GNA14: variants seen among roughly 807,000 people sequenced by gnomAD.
The protein encoded by GNA14 is guanine nucleotide-binding protein subunit alpha-14.
In GNA14, 50 loss-of-function variants were observed where a neutral mutation model predicts 42.0. That is an observed-to-expected ratio of 1.19 (90% CI 0.95 to 1.51). GNA14 has a LOEUF of 1.51. Among genes scored for constraint, GNA14 ranks in the 40% most tolerant of loss-of-function variants. The probability of loss-of-function intolerance (pLI) is 0.00; values close to 1 mark genes in which losing one functional copy is unlikely to be tolerated. For missense variants in GNA14, 473 were observed against 446.2 expected (o/e 1.06, Z -0.54); for synonymous variants, 173 against 163.1 (o/e 1.06, Z -0.46).
intron 1 of GNA14, among the ~76,000 whole-genome samples, chr9:77,582,608 T>C (rs956439086): frequency 6.6e-6 from 1 of 152,204 alleles, no homozygotes; most frequent in Non-Finnish European, 1.5e-5. Flanking sequence ...CAGATAAATA[T>C]TTCTGAACTT....
At chr9:77,432,859 G>A (rs1177380357) in intron 3 of GNA14, among the ~76,000 whole-genome samples, 2 of 152,140 alleles carry the variant, frequency 1.3e-5, no homozygotes, top group African/African-American at 4.8e-5. Context: ...GCCACCTCAG[G>A]TATGGCTCAG....
intron 1 of GNA14, among the ~76,000 whole-genome samples, chr9:77,645,941 T>C (rs964265053): frequency 6.6e-6 from 1 of 152,126 alleles, no homozygotes; most frequent in Admixed American, 6.5e-5. Flanking sequence ...AGGGCAAAAG[T>C]ACAAAGCCCC....
intron 1 of GNA14, among the ~76,000 whole-genome samples, chr9:77,559,593 G>T (rs1257267542): frequency 1.3e-5 from 2 of 152,124 alleles, no homozygotes; most frequent in African/African-American, 4.8e-5. Flanking sequence ...GCAAATATGT[G>T]CAAGCTGGCA....
intron 2 of GNA14, among the ~76,000 whole-genome samples, chr9:77,448,406 A>C (rs566028931): frequency 1.3e-4 from 20 of 152,310 alleles, no homozygotes; most frequent in African/African-American, 4.8e-4. Flanking sequence ...TGAGATATTC[A>C]ATTCTTTATT....
intron 1 of GNA14, among the ~76,000 whole-genome samples, chr9:77,531,723 T>A (rs538718365): frequency 6.6e-6 from 1 of 152,314 alleles, no homozygotes; most frequent in South Asian, 2.1e-4. Context: ...ACTAAGAGAA[T>A]CTTTTTGCTA....
At chr9:77,611,767 C>T (rs3905108) in intron 1 of GNA14, among the ~76,000 whole-genome samples, 20,330 of 152,084 alleles carry the variant, frequency 0.13, 2,425 homozygotes, top group African/African-American at 0.33. Flanking sequence ...GAGTAACTTC[C>T]CATTCTCGCA....
chr9:77,434,587 GGT>G, intron 2 of GNA14, 65 bp from the exon 3 acceptor site: 1 of 1,403,888 alleles, frequency 7.1e-7, no homozygotes, highest in Non-Finnish European at 9.9e-7. Context: ...TGGCAATGTC[GGT>G]ACAAGTCTTG....
In GNA14 at chr9:77,627,482, C is replaced by T. The variant is rs142000476; in HGVS notation, c.124+20188G>A. Among the ~76,000 whole-genome samples the T allele has an allele frequency of 3.2e-3, 488 of 152,198 alleles. 12 individuals carry two copies. The East Asian group carries it at 0.057, about 18-fold the overall frequency. On this transcript the variant is annotated intron_variant, in intron 1 of 6. Transcript: ENST00000341700. The stretch of plus-strand genomic sequence containing the variant: ...TTCAGGCACCTGATGAACATCAATG[C>T]GAAAATCCTCAATAAAATACTGGCA...
intron 2 of GNA14, among the ~76,000 whole-genome samples, chr9:77,464,377 G>GTGTGTGTGTGTA (rs1836181627): frequency 6.6e-6 from 1 of 150,414 alleles, no homozygotes; most frequent in African/African-American, 2.5e-5. Context: ...GTGTGTGTGT[G>GTGTGTGTGTGTA]TGTGTGTGTG....
At chr9:77,560,115 G>A (rs1822853547) in intron 1 of GNA14, among the ~76,000 whole-genome samples, 2 of 151,954 alleles carry the variant, frequency 1.3e-5, no homozygotes, top group African/African-American at 4.8e-5. Flanking sequence ...ACTGGGAAAG[G>A]GCTATAAATT....
In GNA14 at chr9:77,489,829, G is replaced by A. The variant is rs185860171; in HGVS notation, c.309+39240C>T. On this transcript the variant is annotated intron_variant, in intron 2 of 6. Coordinates refer to ENST00000341700, the MANE Select transcript of GNA14 (RefSeq NM_004297.4). ...TGTTACAGCTCATAAAAGCAGCGTG[G>A]ACCCAAAGAGTGAGCAGTAGCAAGA... Among the ~76,000 whole-genome samples, 1,075 of 152,256 alleles carry A rather than the reference G, an allele frequency of 7.1e-3. 16 individuals carry two copies. Among genetic ancestry groups the A allele is most frequent in the African/African-American group, 0.024 (1,002 of 41,542 alleles).
intron 2 of GNA14, among the ~76,000 whole-genome samples, chr9:77,478,032 T>TG (rs2131726156): frequency 6.9e-6 from 1 of 143,946 alleles, no homozygotes; most frequent in African/African-American, 2.8e-5. Context: ...AAAGGTGTCT[T>TG]TTTTTTTTTT....
chr9:77,541,153 G>C (rs1013812588), intron 1 of GNA14, among the ~76,000 whole-genome samples: 2 of 152,032 alleles, frequency 1.3e-5, no homozygotes, highest in Non-Finnish European at 2.9e-5. Context: ...TTTCATGGTG[G>C]TAAATGTTGT....
chr9:77,506,283 T>TAAA (rs199978059), intron 2 of GNA14, among the ~76,000 whole-genome samples: 5 of 126,800 alleles, frequency 3.9e-5, no homozygotes, highest in African/African-American at 1.5e-4. Flanking sequence ...CCCTGTCTCT[T>TAAA]AAAAAAAAAA....
intron 2 of GNA14, among the ~76,000 whole-genome samples, chr9:77,448,202 A>C (rs577142090): frequency 9.6e-4 from 147 of 152,362 alleles, no homozygotes; most frequent in African/African-American, 3.3e-3. Flanking sequence ...ACCAAGGCTA[A>C]ATCACGTACT....
At chr9:77,613,292 C>T (rs538218416) in intron 1 of GNA14, among the ~76,000 whole-genome samples, 5 of 152,310 alleles carry the variant, frequency 3.3e-5, no homozygotes, top group African/African-American at 1.2e-4. Context: ...CACTCACAAA[C>T]TTAACACTAA....
chr9:77,497,130 T>C (rs547248343), intron 2 of GNA14, among the ~76,000 whole-genome samples: 1 of 151,366 alleles, frequency 6.6e-6, no homozygotes, highest in East Asian at 2.0e-4. Flanking sequence ...GTCCTTTCCA[T>C]ACCTTAGAAG....
At chr9:77,482,403 T>TA (rs1295212641) in intron 2 of GNA14, among the ~76,000 whole-genome samples, 1 of 152,228 alleles carries the variant, frequency 6.6e-6, no homozygotes, top group Non-Finnish European at 1.5e-5. Flanking sequence ...TTCTGGCTTG[T>TA]AGAGTTTCTG....
In GNA14 at chr9:77,425,705, T is replaced by C; in HGVS notation, c.734A>G (p.Glu245Gly). ...GGTTTTAAATAAGGCTTTGCTCTCT[T>C]CCATGCGATTCTAAGTGAAAAACAA... ...LAECDNENRM[E>G]ESKALFKTII... The change falls in exon 6 of 7, where the codon GAA (glutamate) becomes GGA (glycine). Residue 245 changes from glutamate (E) to glycine (G), a missense_variant. Transcript: ENST00000341700. The C allele has an allele frequency of 6.3e-7, 1 of 1,596,326 alleles. No individual in the cohort carries two copies. The highest frequency in any genetic ancestry group is 8.5e-7 in the Non-Finnish European group (1 of 1,173,598).
Sources: gnomAD v4.1 joint callset for allele counts (sites outside exome capture counted in the v4.1 genomes callset) on GRCh38, gnomAD v4.1.1 for gene constraint, MANE v1.5 for transcripts, NCBI Gene and HGNC (gene_info 2026-07-23, HGNC 2026-07-21) for gene names.